The following CTNNA3 variants were observed in gnomAD, a reference collection of about 807,000 sequenced individuals.
CTNNA3 encodes the protein catenin alpha-3.
In CTNNA3, 76 loss-of-function variants were observed where a neutral mutation model predicts 95.7. The ratio of observed to expected loss-of-function variants is 0.79; its 90% CI spans 0.66 to 0.96. The LOEUF is 0.96. Ranked by LOEUF, CTNNA3 falls within the 40% of genes least tolerant of loss-of-function variation. CTNNA3 has a pLI of 0.00. For synonymous variants in CTNNA3, 431 were observed against 374.4 expected (o/e 1.15, Z -1.74); for missense variants, 1,191 against 1,089.8 (o/e 1.09, Z -1.31).
intron 12 of CTNNA3, among the ~76,000 whole-genome samples, chr10:66,349,072 C>A (rs2092547230): frequency 6.6e-6 from 1 of 152,086 alleles, no homozygotes; most frequent in African/African-American, 2.4e-5. Context: ...ATGTTCGTTA[C>A]TTCACAATTC....
chr10:65,943,094 C>A (rs1484129737), intron 17 of CTNNA3, among the ~76,000 whole-genome samples: 1 of 147,886 alleles, frequency 6.8e-6, no homozygotes, highest in Non-Finnish European at 1.5e-5. Context: ...GACGGAGTCT[C>A]GCTCTGTGGC....
At chr10:66,431,526 G>GA (rs1431104237) in intron 11 of CTNNA3, among the ~76,000 whole-genome samples, 1 of 151,984 alleles carries the variant, frequency 6.6e-6, no homozygotes, top group Non-Finnish European at 1.5e-5. Flanking sequence ...ACTGGATTAA[G>GA]AAAATATGGC....
chr10:67,736,273 G>A (rs1841301695), intron 1 of CTNNA3, among the ~76,000 whole-genome samples: 1 of 152,108 alleles, frequency 6.6e-6, no homozygotes, highest in African/African-American at 2.4e-5. Context: ...ACTAGGGGCA[G>A]GAAGGAAAGT....
rs766302200 is a variant in CTNNA3, at chr10:65,920,633, A to G, written c.2401-16T>C. ...CACTGTCCAACTGTAGGGAAAAAAG[A>G]GAAAAAAGAGCTATTATTCCAGGAG... is the stretch of plus-strand genomic sequence containing the variant. On this transcript the variant is annotated splice_polypyrimidine_tract_variant and intron_variant, in intron 17 of 17. Coordinates refer to ENST00000433211, the MANE Select transcript of CTNNA3 (RefSeq NM_013266.4). The G allele has an allele frequency of 6.3e-7, 1 of 1,599,294 alleles. No individual in the cohort carries two copies. The highest frequency in any genetic ancestry group is 8.5e-7 in the Non-Finnish European group (1 of 1,170,770).
intron 17 of CTNNA3, among the ~76,000 whole-genome samples, chr10:65,961,534 A>G (rs1465832986): frequency 6.6e-6 from 1 of 152,146 alleles, no homozygotes; most frequent in Non-Finnish European, 1.5e-5. Flanking sequence ...AAATATGACT[A>G]TGATATGTGT....
chr10:66,454,788 G>A (rs1307765029), intron 11 of CTNNA3, among the ~76,000 whole-genome samples: 1 of 133,372 alleles, frequency 7.5e-6, no homozygotes, highest in Non-Finnish European at 1.6e-5. Flanking sequence ...GAAGGAGGAG[G>A]AAGGAGAGGA....
intron 1 of CTNNA3, among the ~76,000 whole-genome samples, chr10:67,749,262 A>C (rs1841391531): frequency 6.6e-6 from 1 of 152,248 alleles, no homozygotes. Context: ...TCGAGACAGA[A>C]TATTAACAAG....
At chr10:66,550,730 T>G (rs1336096797) in intron 10 of CTNNA3, among the ~76,000 whole-genome samples, 1 of 152,178 alleles carries the variant, frequency 6.6e-6, no homozygotes, top group Non-Finnish European at 1.5e-5. Flanking sequence ...TTTGATTATT[T>G]GAATATTTTT....
At chr10:67,571,063 G>A (rs566037970) in intron 3 of CTNNA3, among the ~76,000 whole-genome samples, 79 of 152,210 alleles carry the variant, frequency 5.2e-4, no homozygotes, top group Non-Finnish European at 9.1e-4. Context: ...GATTTATCTG[G>A]CATTAATATG....
chr10:66,115,579 T>TAGACA (rs1398476897), intron 13 of CTNNA3, among the ~76,000 whole-genome samples: 8 of 125,922 alleles, frequency 6.4e-5, no homozygotes, highest in South Asian at 2.7e-4. Flanking sequence ...GACAGATAGA[T>TAGACA]GATAGATAGA....
At chr10:66,446,876 A>C (rs2131810616) in intron 11 of CTNNA3, among the ~76,000 whole-genome samples, 1 of 152,094 alleles carries the variant, frequency 6.6e-6, no homozygotes, top group East Asian at 1.9e-4. Flanking sequence ...GAAAAGAGGA[A>C]GTCAAATTGT....
chr10:66,978,212 A>G (rs2132862148), intron 7 of CTNNA3, among the ~76,000 whole-genome samples: 1 of 152,140 alleles, frequency 6.6e-6, no homozygotes. Context: ...GCTGCACAAC[A>G]TAGTGCCTAG....
intron 6 of CTNNA3, among the ~76,000 whole-genome samples, chr10:67,205,206 G>C (rs1286964927): frequency 6.6e-6 from 1 of 152,162 alleles, no homozygotes; most frequent in Admixed American, 6.5e-5. Context: ...GGGCAGTTTG[G>C]AGGTTAAAGG....
chr10:67,075,608 A>T (rs920294461), intron 7 of CTNNA3, among the ~76,000 whole-genome samples: 1 of 152,238 alleles, frequency 6.6e-6, no homozygotes, highest in Non-Finnish European at 1.5e-5. Context: ...CAGTCTAGGA[A>T]ATCAGATGGG....
chr10:67,664,923 G>A (rs1157314133), intron 1 of CTNNA3, among the ~76,000 whole-genome samples: 1 of 151,986 alleles, frequency 6.6e-6, no homozygotes, highest in Non-Finnish European at 1.5e-5. Context: ...AAACTACAGG[G>A]AAAAATCCAT....
At chr10:67,668,245 A>G (rs954010469) in intron 1 of CTNNA3, among the ~76,000 whole-genome samples, 1 of 136,730 alleles carries the variant, frequency 7.3e-6, no homozygotes, top group Non-Finnish European at 1.5e-5. Flanking sequence ...GTGAATAGAT[A>G]CTACTTACTT....
chr10:66,375,646 C>T (rs141098991), intron 12 of CTNNA3, among the ~76,000 whole-genome samples: 1 of 150,664 alleles, frequency 6.6e-6, no homozygotes, highest in Non-Finnish European at 1.5e-5. Context: ...TATATGTAAA[C>T]CATATTAAAT....
intron 1 of CTNNA3, among the ~76,000 whole-genome samples, chr10:67,657,814 T>A (rs1420413751): frequency 1.6e-5 from 2 of 123,154 alleles, no homozygotes; most frequent in Non-Finnish European, 3.1e-5. Context: ...GCCATTGCAC[T>A]CCAGCCTGGG....
chr10:67,251,593 A>C (rs1866111448), intron 5 of CTNNA3, among the ~76,000 whole-genome samples: 1 of 152,224 alleles, frequency 6.6e-6, no homozygotes. Flanking sequence ...TCAGACTTGA[A>C]GGATGCTAAT....
Sources: allele counts gnomAD v4.1 joint callset (sites outside exome capture counted in the v4.1 genomes callset), GRCh38; gene constraint gnomAD v4.1.1; transcripts MANE v1.5; gene names NCBI Gene and HGNC (gene_info 2026-07-23, HGNC 2026-07-21).